MRPL12: variants seen among roughly 807,000 people sequenced by gnomAD.
MRPL12 encodes the protein large ribosomal subunit protein bL12m.
A neutral mutation model predicts 21.1 loss-of-function variants in MRPL12; 13 were observed. The observed-to-expected ratio is 0.62, with a 90% CI of 0.40 to 0.98. MRPL12 has a LOEUF of 0.98. MRPL12 is among the 50% of genes least tolerant of loss of function. MRPL12 has a pLI of 0.00. For synonymous variants in MRPL12, 126 were observed against 115.3 expected, an observed-to-expected ratio of 1.09 and a Z score of -0.60; for missense variants, 251 against 268.6, an observed-to-expected ratio of 0.93 and a Z score of 0.46.
intron 3 of MRPL12, among the ~76,000 whole-genome samples, chr17:81,705,091 A>G (rs182284535): frequency 9.3e-4 from 141 of 152,232 alleles, no homozygotes; most frequent in Middle Eastern, 6.8e-3. Context: ...AAAAAAAAAA[A>G]AATTAGCTGG....
chr17:81,706,481 C>T (rs550765571), intron 3 of MRPL12, among the ~76,000 whole-genome samples: 63 of 152,240 alleles, frequency 4.1e-4, no homozygotes, highest in Non-Finnish European at 7.2e-4. Flanking sequence ...CCTCCCAAAG[C>T]GCTAGGATGA....
Position 81,704,615 on chromosome 17 carries a change from T to C in MRPL12, c.262-18T>C, listed in dbSNP as rs2037293880. The C allele has an allele frequency of 6.2e-7, 1 of 1,613,582 alleles. No homozygotes were observed. Among genetic ancestry groups the C allele is most frequent in the South Asian group, 1.1e-5 (1 of 91,068 alleles). ...TGGTGTGAGGGCCAGCTGTGGACAC[T>C]GTTCTCTATCTCTGCAGAAAACGTT... On this transcript the variant is annotated intron_variant, in intron 2 of 4. Coordinates refer to ENST00000333676, the MANE Select transcript of MRPL12 (RefSeq NM_002949.4).
chr17:81,706,965 C>T lies in MRPL12; in HGVS notation c.405C>T (p.Thr135=), dbSNP rs759175185. ...GGACACATTTCACCGTCCGCCTGACCGAGGCGAAGCCCGTGGACAAAGTGA... is the reference window on the plus strand; with the variant it reads ...GGACACATTTCACCGTCCGCCTGACTGAGGCGAAGCCCGTGGACAAAGTGA... ...KERTHFTVRL[T]EAKPVDKVKL... is the part of the protein sequence containing the mutation. The change falls in exon 4 of 5, where the codon ACC becomes ACT. Residue 135 remains threonine, a synonymous_variant. Transcript: ENST00000333676. 12 of 1,613,978 alleles carry T rather than the reference C, an allele frequency of 7.4e-6. No homozygotes were observed. The highest frequency in any genetic ancestry group is 6.7e-5 in the East Asian group (3 of 44,900).
At chr17:81,704,542 G>A (rs1598754563) in intron 2 of MRPL12, 91 bp from the exon 3 acceptor site, 1 of 1,576,392 alleles carries the variant, frequency 6.3e-7, no homozygotes, top group Non-Finnish European at 8.7e-7. Flanking sequence ...GTTTGTCCAG[G>A]TGCAAGGTCC....
Position 81,706,963 on chromosome 17 carries a change from A to G in MRPL12, c.403A>G (p.Thr135Ala). The change falls in exon 4 of 5, where the codon ACC becomes GCC. Residue 135 changes from threonine (T) to alanine (A), a missense_variant. Physicochemically the swap from Thr to Ala is moderately conservative, Grantham distance 58. Coordinates refer to ENST00000333676, the MANE Select transcript of MRPL12 (RefSeq NM_002949.4). ...ACGGACACATTTCACCGTCCGCCTGACCGAGGCGAAGCCCGTGGACAAAGT... is the reference window on the plus strand; with the variant it reads ...ACGGACACATTTCACCGTCCGCCTGGCCGAGGCGAAGCCCGTGGACAAAGT... ...KERTHFTVRL[T>A]EAKPVDKVKL... The G allele has an allele frequency of 1.2e-6, 2 of 1,614,078 alleles. No individual in the cohort carries two copies. Among genetic ancestry groups the G allele is most frequent in the African/African-American group, 1.3e-5 (1 of 75,056 alleles).
chr17:81,705,442 A>C (rs149611989), intron 3 of MRPL12, among the ~76,000 whole-genome samples: 6 of 151,906 alleles, frequency 3.9e-5, no homozygotes, highest in Admixed American at 2.0e-4. Flanking sequence ...ATTATACCAA[A>C]TAGAACATTG....
In MRPL12 at chr17:81,707,024, G is replaced by C. The variant is rs1251906901; in HGVS notation, c.464G>C (p.Gly155Ala). Reference protein sequence around the residue: ...LIKEIKNYIQGINLVQAKKLV... With the variant: ...LIKEIKNYIQAINLVQAKKLV... ...AAGGAAATCAAGAACTACATCCAAG[G>C]CATCAACCTCGTCCAGGTCTGTGCC... The change falls in exon 4 of 5, where the codon GGC becomes GCC. Residue 155 changes from glycine to alanine, a missense_variant. Transcript: ENST00000333676. 1.9e-6 allele frequency: 3 copies of C among 1,613,978 alleles called. No homozygotes were observed. The highest frequency in any genetic ancestry group is 2.5e-6 in the Non-Finnish European group (3 of 1,180,052).
chr17:81,704,457 A>C, intron 2 of MRPL12, 27 bp downstream of exon 2: 1 of 1,601,890 alleles, frequency 6.2e-7, no homozygotes, highest in Non-Finnish European at 8.5e-7. Context: ...GCACAGACCC[A>C]GGGGCTGGAA....
At chr17:81,704,476 G>A (rs930976232) in intron 2 of MRPL12, 46 bp downstream of exon 2, 1 of 1,592,746 alleles carries the variant, frequency 6.3e-7, no homozygotes, top group Non-Finnish European at 8.6e-7. Flanking sequence ...AAGTTTCAGG[G>A]CCCCTGTGTT....
At position 81,707,357 on chromosome 17, in the gene MRPL12, T is replaced by TTGCC. The variant is rs2037325351; in HGVS notation, c.*121_*124dup. 1 of 999,246 alleles carries TTGCC rather than the reference T, an allele frequency of 1.0e-6. No individual in the cohort carries two copies. 61.9% of individuals were successfully genotyped at this position (999,246 alleles called of 1,614,324 possible). ...CGCCCAGTGGAGCCGTTTGGGAGAA[T>TTGCC]TGCCTGCGCCACGCAGCGGGGCCGG... On this transcript the variant is annotated 3_prime_UTR_variant, in exon 5 of 5. Coordinates refer to ENST00000333676, the MANE Select transcript of MRPL12 (RefSeq NM_002949.4).
At chr17:81,704,173 G>C in intron 1 of MRPL12, 71 bp from the exon 2 acceptor site, 8 of 1,487,328 alleles carry the variant, frequency 5.4e-6, no homozygotes, top group Non-Finnish European at 6.3e-6. Context: ...CAGTTGTCCT[G>C]CCCCTCTGGT....
Position 81,707,317 on chromosome 17 carries a change from GC to G in MRPL12, c.*82del. On this transcript the variant is annotated 3_prime_UTR_variant, in exon 5 of 5. Transcript: ENST00000333676. ...CCGCCCTCCCGTGGTCACTGGCTCC[GC>G]CCCCAGCACCAGGCGCCCAGTGGAG... The G allele has an allele frequency of 7.3e-7, 1 of 1,371,498 alleles. No individual in the cohort carries two copies. Among genetic ancestry groups the G allele is most frequent in the Non-Finnish European group, 9.9e-7 (1 of 1,009,478 alleles). 85.0% of individuals were successfully genotyped at this position (1,371,498 alleles called of 1,614,324 possible).
rs2037288714 is a variant in MRPL12 at position 81,704,258 on chromosome 17, G to A, written c.89G>A (p.Cys30Tyr). 6.2e-7 allele frequency: 1 copy of A among 1,609,654 alleles called. No homozygotes were observed. Among genetic ancestry groups the A allele is most frequent in the Non-Finnish European group, 8.5e-7 (1 of 1,178,580 alleles). The change falls in exon 2 of 5, where the codon TGT becomes TAT. Residue 30 changes from cysteine to tyrosine, a missense_variant. Physicochemically the swap from Cys to Tyr is radical, Grantham distance 194. Transcript: ENST00000333676. ...AFRLARRQVP[C>Y]VCAVRHMRSS... ...GTGGGGGCTAGGCGACAGGTGCCAT[G>A]TGTCTGTGCCGTGCGACATATGAGG...
rs949122797 is a variant in MRPL12 at position 81,704,984 on chromosome 17, C to T, written c.345+268C>T. The stretch of plus-strand genomic sequence containing the variant: ...GCGTGGTGGCTCACGCCTGTAATCC[C>T]AGCGCTTCGGGAGGCCGAGACGGGT... On this transcript the variant is annotated intron_variant, in intron 3 of 4. Transcript: ENST00000333676. Among the ~76,000 whole-genome samples, 10 of 152,250 alleles carry T rather than the reference C, an allele frequency of 6.6e-5. No homozygotes were observed. The South Asian group carries it at 2.1e-3, about 32-fold the overall frequency.
chr17:81,703,419 C>A lies in MRPL12; in HGVS notation c.-83C>A. The A allele has an allele frequency of 1.6e-6, 2 of 1,231,790 alleles. No homozygotes were observed. The highest frequency in any genetic ancestry group is 3.0e-5 in the South Asian group (2 of 67,252). The allele number at this position is 1,231,790 out of a possible 1,614,324, so 76.3% of individuals were successfully genotyped here. On this transcript the variant is annotated 5_prime_UTR_variant, in exon 1 of 5. Coordinates refer to ENST00000333676, the MANE Select transcript of MRPL12 (RefSeq NM_002949.4). ...CCGTGGCGGCTAGAGCGTTCCTCCC[C>A]AGCTCGAATGCCCGGCGGCCGAGGC...
At chr17:81,704,921 G>A (rs954292827) in intron 3 of MRPL12, among the ~76,000 whole-genome samples, 1 of 152,244 alleles carries the variant, frequency 6.6e-6, no homozygotes, top group African/African-American at 2.4e-5. Flanking sequence ...CTAATGGAGG[G>A]AAACAGACAC....
chr17:81,707,326 A>G lies in MRPL12; in HGVS notation c.*86A>G. 1 of 1,305,628 alleles carries G rather than the reference A, an allele frequency of 7.7e-7. No homozygotes were observed. Among genetic ancestry groups the G allele is most frequent in the Non-Finnish European group, 1.1e-6 (1 of 951,262 alleles). 80.9% of individuals were successfully genotyped at this position (1,305,628 alleles called of 1,614,324 possible). On this transcript the variant is annotated 3_prime_UTR_variant, in exon 5 of 5. Coordinates refer to ENST00000333676, the MANE Select transcript of MRPL12 (RefSeq NM_002949.4). ...CGTGGTCACTGGCTCCGCCCCCAGC[A>G]CCAGGCGCCCAGTGGAGCCGTTTGG...
In MRPL12 at chr17:81,707,500, A is replaced by G. The variant is rs968286564; in HGVS notation, c.*260A>G. ...TGTGCCTCTGGTGGCTGCTGAGAAA[A>G]ATACACTGTGCAGCTCAGTGTGTGG... On this transcript the variant is annotated 3_prime_UTR_variant, in exon 5 of 5. Coordinates refer to ENST00000333676, the MANE Select transcript of MRPL12 (RefSeq NM_002949.4). The G allele has an allele frequency of 6.3e-6, 3 of 474,158 alleles. No homozygotes were observed. Among genetic ancestry groups the G allele is most frequent in the Non-Finnish European group, 1.1e-5 (3 of 262,508 alleles). 29.4% of individuals were successfully genotyped at this position (474,158 alleles called of 1,614,324 possible).
rs2037286581 is a variant in MRPL12 at position 81,704,095 on chromosome 17, A to G, written c.75-149A>G. The stretch of plus-strand genomic sequence containing the variant: ...TGAGGTCTGAGAACCCTGGACTGGG[A>G]CCAAGGAGCTAGGTAATTTCCGGCC... On this transcript the variant is annotated intron_variant, in intron 1 of 4. Transcript: ENST00000333676. The G allele has an allele frequency of 5.7e-6, 4 of 707,534 alleles. No individual in the cohort carries two copies. In the East Asian group the frequency reaches 1.2e-4, roughly 20 times the overall value. The allele number at this position is 707,534 out of a possible 1,614,324, so 43.8% of individuals were successfully genotyped here.
Sources: allele counts gnomAD v4.1 joint callset (sites outside exome capture counted in the v4.1 genomes callset), GRCh38; gene constraint gnomAD v4.1.1; transcripts MANE v1.5; gene names NCBI Gene and HGNC (gene_info 2026-07-23, HGNC 2026-07-21).